Variants in RIOX2 observed in about 807,000 individuals in gnomAD.
The protein encoded by RIOX2 is ribosomal oxygenase 2, also known as 60S ribosomal protein L27a histidine hydroxylase.
Under a neutral mutation model 51.2 loss-of-function variants are expected in RIOX2, and 43 were observed. The ratio of observed to expected loss-of-function variants is 0.84; its 90% confidence interval spans 0.66 to 1.08. RIOX2 has a LOEUF of 1.08. RIOX2 is among the 50% of genes least tolerant of loss of function. RIOX2 has a pLI of 0.00. For missense variants in RIOX2, 566 were observed against 561.7 expected (o/e 1.01, Z -0.08); for synonymous variants, 226 against 218.5 (o/e 1.03, Z -0.30).
chr3:97,964,525 A>T (rs1453882263), intron 2 of RIOX2, among the ~76,000 whole-genome samples: 2 of 151,182 alleles, frequency 1.3e-5, no homozygotes, highest in Non-Finnish European at 3.0e-5. Flanking sequence ...CCCCATCTCT[A>T]CTAAAAAAAA....
intron 5 of RIOX2, among the ~76,000 whole-genome samples, chr3:97,952,640 T>G (rs1705293282): frequency 6.6e-6 from 1 of 152,100 alleles, no homozygotes; most frequent in Admixed American, 6.5e-5. Context: ...TGAGAAACAT[T>G]AACGATGGGA....
intron 3 of RIOX2, among the ~76,000 whole-genome samples, chr3:97,960,498 G>C (rs996608586): frequency 6.6e-6 from 1 of 152,176 alleles, no homozygotes; most frequent in African/African-American, 2.4e-5. Flanking sequence ...TAGTAGTTAA[G>C]TTTTAGGGAA....
At position 97,945,831 on chromosome 3, in the gene RIOX2, C is replaced by T. The variant is rs770506396; in HGVS notation, c.1206G>A (p.Glu402=). ...YIYHSLKNSR[E]THMMGNEEET... is the part of the protein sequence containing the mutation. ...CCTCCTCATTTCCCATCATGTGTGTCTCTCTACTATTCTTTAAGGAATGAT... is the reference window on the plus strand; with the variant it reads ...CCTCCTCATTTCCCATCATGTGTGTTTCTCTACTATTCTTTAAGGAATGAT... The change falls in exon 9 of 10, where the codon GAG becomes GAA. Residue 402 remains glutamate (E), a synonymous_variant. Transcript: ENST00000394198. 6.2e-7 allele frequency: 1 copy of T among 1,611,064 alleles called. No individual in the cohort carries two copies. Among genetic ancestry groups the T allele is most frequent in the East Asian group, 2.2e-5 (1 of 44,846 alleles).
At chr3:97,950,270 T>C (rs562298974) in intron 6 of RIOX2, among the ~76,000 whole-genome samples, 1 of 152,360 alleles carries the variant, frequency 6.6e-6, no homozygotes, top group African/African-American at 2.4e-5. Context: ...CTTGGAAATA[T>C]GGTACAGTCT....
chr3:97,965,702 C>T (rs141691460), intron 2 of RIOX2, among the ~76,000 whole-genome samples: 6 of 152,086 alleles, frequency 3.9e-5, no homozygotes, highest in Admixed American at 1.3e-4. Flanking sequence ...AAAAGCCCTG[C>T]GGGGGATGAT....
intron 3 of RIOX2, 114 bp from the exon 4 acceptor site, chr3:97,959,293 T>G: frequency 7.1e-6 from 5 of 702,774 alleles, no homozygotes; most frequent in East Asian, 3.5e-5. Flanking sequence ...TAGGTGAACC[T>G]TGAACAACAC....
chr3:97,945,322 A>T lies in RIOX2; in HGVS notation c.1260T>A (p.Pro420=). 1 of 1,611,200 alleles carries T rather than the reference A, an allele frequency of 6.2e-7. No individual in the cohort carries two copies. The highest frequency in any genetic ancestry group is 8.5e-7 in the Non-Finnish European group (1 of 1,178,520). The change falls in exon 10 of 10, where the codon CCT becomes CCA. Residue 420 remains proline (P), a synonymous_variant. Transcript: ENST00000394198. Reference sequence around the variant, plus strand: ...GCTTCAGTGCATCCAAATGTGACAAAGGGAAGCGAAGTCCATGAAACTGAA... The same window carrying T: ...GCTTCAGTGCATCCAAATGTGACAATGGGAAGCGAAGTCCATGAAACTGAA... ...EETEFHGLRF[P]LSHLDALKQI...
In RIOX2 at chr3:97,964,696, T is replaced by TAA. The variant is rs1159985029; in HGVS notation, c.432+2464_432+2465dup. ...TGGGTGACAGGGCAAGACTCTGTCT[T>TAA]AAAAAAAAAAAAAAAAAAAAAAAAA... On this transcript the variant is annotated intron_variant, in intron 2 of 9. Transcript: ENST00000394198. 2.5e-4 allele frequency among the ~76,000 whole-genome samples: 15 copies of TAA among 60,216 alleles called. 1 individual carries two copies. The highest frequency in any genetic ancestry group is 5.8e-4 in the South Asian group (1 of 1,722). The allele number at this position is 60,216 out of a possible 152,430, so 39.5% of individuals were successfully genotyped here.
intron 4 of RIOX2, among the ~76,000 whole-genome samples, chr3:97,957,317 T>C (rs1170662034): frequency 6.6e-6 from 1 of 151,890 alleles, no homozygotes; most frequent in African/African-American, 2.4e-5. Flanking sequence ...GCCAACATGG[T>C]GAAACCGTCT....
At chr3:97,967,742 T>A in intron 1 of RIOX2, 110 bp from the exon 2 acceptor site, 1 of 718,986 alleles carries the variant, frequency 1.4e-6, no homozygotes. Flanking sequence ...TCGTGAGAAC[T>A]CTTCATAGGT....
At chr3:97,950,756 C>A (rs1173365275) in intron 6 of RIOX2, 30 bp downstream of exon 6, 1 of 1,567,450 alleles carries the variant, frequency 6.4e-7, no homozygotes, top group Non-Finnish European at 8.8e-7. Flanking sequence ...CAGCTACCAT[C>A]CTTCATTCCT....
chr3:97,949,614 T>C (rs1055237793), intron 7 of RIOX2, among the ~76,000 whole-genome samples: 4 of 152,166 alleles, frequency 2.6e-5, no homozygotes, highest in Non-Finnish European at 4.4e-5. Context: ...GGGCTCTTAT[T>C]TCCCATCAGG....
In RIOX2 at chr3:97,969,529, C is replaced by T. The variant is rs192781179; in HGVS notation, c.-39-1897G>A. Reference sequence around the variant, plus strand: ...CTTAAGATTTTGGGAGAGTTTCCACCACCATTAACTGATAGGAGTGGCTCA... The same window carrying T: ...CTTAAGATTTTGGGAGAGTTTCCACTACCATTAACTGATAGGAGTGGCTCA... On this transcript the variant is annotated intron_variant, in intron 1 of 9. Coordinates refer to ENST00000394198, the MANE Select transcript of RIOX2 (RefSeq NM_153182.4). 8.4e-4 allele frequency among the ~76,000 whole-genome samples: 128 copies of T among 152,286 alleles called. 1 individual carries two copies. In the East Asian group the frequency reaches 0.023, roughly 28 times the overall value.
intron 7 of RIOX2, 119 bp from the exon 8 acceptor site, chr3:97,947,568 T>C (rs2040395441): frequency 2.8e-6 from 2 of 725,350 alleles, no homozygotes; most frequent in African/African-American, 3.5e-5. Context: ...AATCCAAACA[T>C]GGCATACACT....
intron 1 of RIOX2, among the ~76,000 whole-genome samples, chr3:97,969,762 C>G (rs1215506986): frequency 6.6e-6 from 1 of 152,194 alleles, no homozygotes; most frequent in African/African-American, 2.4e-5. Context: ...CTGAGCACAG[C>G]CAGTGTGACC....
At chr3:97,952,196 C>T (rs757154861) in intron 5 of RIOX2, 22 of 1,289,700 alleles carry the variant, frequency 1.7e-5, no homozygotes, top group Non-Finnish European at 4.0e-6. Flanking sequence ...AACACAGGAT[C>T]ATTTCTGGGG....
chr3:97,945,071 G>T lies in RIOX2; in HGVS notation c.*113C>A. On this transcript the variant is annotated 3_prime_UTR_variant, in exon 10 of 10. Coordinates refer to ENST00000394198, the MANE Select transcript of RIOX2 (RefSeq NM_153182.4). ...CCTGTAACAGGGAGGTCTCATGTTT[G>T]TTAGTAGATACGCAGGTAAGGAAAC... is the stretch of plus-strand genomic sequence containing the variant. 3.2e-6 allele frequency: 3 copies of T among 932,644 alleles called. No individual in the cohort carries two copies. The highest frequency in any genetic ancestry group is 4.6e-6 in the Non-Finnish European group (3 of 647,498). The allele number at this position is 932,644 out of a possible 1,614,324, so 57.8% of individuals were successfully genotyped here.
intron 3 of RIOX2, among the ~76,000 whole-genome samples, 196 bp downstream of exon 3, chr3:97,961,393 A>C (rs1040176466): frequency 6.6e-6 from 1 of 152,246 alleles, no homozygotes; most frequent in Admixed American, 6.5e-5. Flanking sequence ...TTTGAGACAG[A>C]GCAGGAAACC....
At position 97,943,368 on chromosome 3, in the gene RIOX2, C is replaced by T; in HGVS notation, c.*1816G>A. The T allele has an allele frequency of 2.0e-6, 2 of 996,316 alleles. No homozygotes were observed. The highest frequency in any genetic ancestry group is 2.7e-5 in the South Asian group (2 of 73,614). The allele number at this position is 996,316 out of a possible 1,614,324, so 61.7% of individuals were successfully genotyped here. On this transcript the variant is annotated 3_prime_UTR_variant, in exon 10 of 10. Transcript: ENST00000394198. ...AGAAAGAGCAAAGAAGGAAACACAT[C>T]TGTCATTGTCTTGTGGACGTGGAAA...
Sources: allele counts gnomAD v4.1 joint callset (sites outside exome capture counted in the v4.1 genomes callset), GRCh38; gene constraint gnomAD v4.1.1; transcripts MANE v1.5; gene names NCBI Gene and HGNC (gene_info 2026-07-23, HGNC 2026-07-21).